The following CNTN1 variants were observed in gnomAD, a reference collection of about 807,000 sequenced individuals.
CNTN1 encodes contactin 1.
Under a neutral mutation model 126.4 loss-of-function variants are expected in CNTN1, and 38 were observed. That is an observed-to-expected ratio of 0.30 (90% CI 0.23 to 0.39). CNTN1 has a LOEUF of 0.39. Among genes scored for constraint, CNTN1 ranks in the 10% least tolerant of loss-of-function variants. CNTN1 has a pLI of 1.00. For synonymous variants in CNTN1, 413 were observed against 422.6 expected (o/e 0.98, Z 0.28); for missense variants, 1,009 against 1,248.4 (o/e 0.81, Z 2.89).
chr12:40,800,612 A>T (rs779329734), intron 1 of CNTN1, among the ~76,000 whole-genome samples: 2 of 152,036 alleles, frequency 1.3e-5, no homozygotes, highest in Non-Finnish European at 2.9e-5. Context: ...CGGCTTAATC[A>T]TTGAGAGTAC....
At chr12:40,951,013 G>T (rs185131366) in intron 14 of CNTN1, among the ~76,000 whole-genome samples, 16 of 151,946 alleles carry the variant, frequency 1.1e-4, no homozygotes, top group Admixed American at 2.6e-4. Context: ...TTTCTACAAA[G>T]TGGTCCAAGA....
At chr12:40,824,718 A>G (rs1440514818) in intron 1 of CNTN1, among the ~76,000 whole-genome samples, 1 of 152,190 alleles carries the variant, frequency 6.6e-6, no homozygotes, top group Non-Finnish European at 1.5e-5. Flanking sequence ...TAAATTTAAT[A>G]TCAAATTTGA....
intron 1 of CNTN1, among the ~76,000 whole-genome samples, chr12:40,887,644 C>T (rs1242542119): frequency 6.6e-6 from 1 of 151,960 alleles, no homozygotes; most frequent in South Asian, 2.1e-4. Context: ...TACCATTTGA[C>T]CCAGCCATCC....
intron 1 of CNTN1, among the ~76,000 whole-genome samples, chr12:40,891,689 ATTATCT>A (rs1389502420): frequency 9.9e-5 from 15 of 152,130 alleles, no homozygotes; most frequent in Non-Finnish European, 2.1e-4. Flanking sequence ...AAGTCAGTTG[ATTATCT>A]TTATATGATT....
At chr12:41,017,820 G>A (rs1415353055) in intron 19 of CNTN1, among the ~76,000 whole-genome samples, 1 of 152,050 alleles carries the variant, frequency 6.6e-6, no homozygotes, top group Non-Finnish European at 1.5e-5. Context: ...GGCCTGGCAT[G>A]GTGGCTCACG....
At chr12:40,765,987 T>C (rs10879153) in intron 1 of CNTN1, among the ~76,000 whole-genome samples, 28,857 of 152,092 alleles carry the variant, frequency 0.19, 2,831 homozygotes, top group Admixed American at 0.26. Context: ...ATGGTTATTT[T>C]AACTGTGGGA....
intron 1 of CNTN1, among the ~76,000 whole-genome samples, chr12:40,858,216 T>G (rs1045410661): frequency 9.9e-5 from 15 of 152,132 alleles, no homozygotes; most frequent in African/African-American, 2.9e-4. Flanking sequence ...TCTCCCAACA[T>G]AGCAGCTCAC....
chr12:40,889,687 T>G (rs868340054), intron 1 of CNTN1, among the ~76,000 whole-genome samples: 1 of 152,130 alleles, frequency 6.6e-6, no homozygotes. Context: ...ATTATGAGTA[T>G]TAAAAAAAGA....
At chr12:40,839,112 C>A (rs1015732730) in intron 1 of CNTN1, among the ~76,000 whole-genome samples, 1 of 152,026 alleles carries the variant, frequency 6.6e-6, no homozygotes, top group African/African-American at 2.4e-5. Context: ...AACTGAGGTA[C>A]TTTTTGAAGG....
At chr12:40,749,284 T>A (rs1938301348) in intron 1 of CNTN1, among the ~76,000 whole-genome samples, 1 of 152,144 alleles carries the variant, frequency 6.6e-6, no homozygotes, top group Admixed American at 6.6e-5. Context: ...GCAAACTGAA[T>A]GTACAGTAAA....
intron 1 of CNTN1, among the ~76,000 whole-genome samples, chr12:40,761,158 G>C (rs1160762016): frequency 6.6e-6 from 1 of 152,008 alleles, no homozygotes; most frequent in Non-Finnish European, 1.5e-5. Context: ...GGAAAATACT[G>C]ACTTAATTCA....
rs749005614 is a variant in CNTN1, at chr12:41,056,814, C to T, written c.2981-13145C>T. Among the ~76,000 whole-genome samples, 82 of 149,062 alleles carry T rather than the reference C, an allele frequency of 5.5e-4. 1 individual carries two copies. Among genetic ancestry groups the T allele is most frequent in the Non-Finnish European group, 1.1e-3 (75 of 67,402 alleles). On this transcript the variant is annotated intron_variant, in intron 23 of 23. Transcript: ENST00000551295. Reference sequence around the variant, plus strand: ...ATATTTAAAGCACCAATTATATAGTCCAATTAAAGTATTATCTAAATATAA... The same window carrying T: ...ATATTTAAAGCACCAATTATATAGTTCAATTAAAGTATTATCTAAATATAA...
intron 1 of CNTN1, among the ~76,000 whole-genome samples, chr12:40,709,894 G>T (rs1941867622): frequency 6.6e-6 from 1 of 152,130 alleles, no homozygotes; most frequent in Non-Finnish European, 1.5e-5. Flanking sequence ...TCCATTATCA[G>T]CAATAAGTCT....
intron 1 of CNTN1, among the ~76,000 whole-genome samples, chr12:40,706,877 A>G (rs888828408): frequency 6.6e-6 from 1 of 152,050 alleles, no homozygotes; most frequent in Non-Finnish European, 1.5e-5. Context: ...ATCCCTACAG[A>G]CTCCGGCTTA....
intron 1 of CNTN1, among the ~76,000 whole-genome samples, chr12:40,739,505 A>C (rs1239310874): frequency 6.6e-6 from 1 of 152,112 alleles, no homozygotes; most frequent in African/African-American, 2.4e-5. Flanking sequence ...TTCAAATTGT[A>C]TATCATATGA....
intron 17 of CNTN1, 36 bp from the exon 18 acceptor site, chr12:41,014,189 TTTG>T: frequency 6.2e-7 from 1 of 1,600,816 alleles, no homozygotes; most frequent in Non-Finnish European, 8.6e-7. Flanking sequence ...AGGCCCTCTT[TTTG>T]TTGTTGTTTT....
At chr12:40,911,150 G>A (rs1197909500) in intron 3 of CNTN1, among the ~76,000 whole-genome samples, 2 of 151,502 alleles carry the variant, frequency 1.3e-5, no homozygotes, top group South Asian at 2.1e-4. Flanking sequence ...GCGCGATCTC[G>A]GCTCACTGCA....
intron 12 of CNTN1, among the ~76,000 whole-genome samples, chr12:40,941,922 A>G (rs1222482647): frequency 1.3e-5 from 2 of 152,136 alleles, no homozygotes; most frequent in Non-Finnish European, 2.9e-5. Context: ...TATTTTTATT[A>G]AAAAGTAATT....
At chr12:40,913,545 A>G (rs892363993) in intron 3 of CNTN1, among the ~76,000 whole-genome samples, 1 of 152,184 alleles carries the variant, frequency 6.6e-6, no homozygotes, top group African/African-American at 2.4e-5. Context: ...TGTGTTTACT[A>G]ACTAACAGAT....
Sources: allele counts gnomAD v4.1 joint callset (sites outside exome capture counted in the v4.1 genomes callset), GRCh38; gene constraint gnomAD v4.1.1; transcripts MANE v1.5; gene names NCBI Gene and HGNC (gene_info 2026-07-23, HGNC 2026-07-21).